Variants in LYRM4 observed in about 807,000 individuals in gnomAD.
LYRM4 encodes the protein LYR motif-containing protein 4.
LYRM4 carries 9 observed loss-of-function variants against 11.7 expected under a neutral mutation model. That is an observed-to-expected ratio of 0.77 (90% CI 0.46 to 1.34). LYRM4 has a LOEUF of 1.34. LYRM4 is among the 40% of genes most tolerant of loss of function. LYRM4 has a pLI of 0.00. For synonymous variants in LYRM4, 42 were observed against 40.4 expected, an observed-to-expected ratio of 1.04 and a Z score of -0.15; for missense variants, 133 against 112.5, an observed-to-expected ratio of 1.18 and a Z score of -0.82.
At chr6:5,138,074 C>T (rs1757190988) in intron 2 of LYRM4, among the ~76,000 whole-genome samples, 1 of 152,092 alleles carries the variant, frequency 6.6e-6, no homozygotes, top group Admixed American at 6.5e-5. Context: ...TGTCTTTCAG[C>T]AGGTCAAAAA....
At chr6:5,188,870 CCT>C (rs1452982410) in intron 2 of LYRM4, among the ~76,000 whole-genome samples, 2 of 152,146 alleles carry the variant, frequency 1.3e-5, no homozygotes, top group African/African-American at 2.4e-5. Context: ...CTCAAGGAAT[CCT>C]CTCACCTCAG....
the LYRM4 span, chr6:5,054,096 G>A: frequency 1.5e-3 from 1,449 of 984,268 alleles, 12 homozygotes; most frequent in African/African-American, 0.024. Context: ...AGGAACTAAC[G>A]CCAGATGCCT....
At chr6:5,218,205 C>T in intron 1 of LYRM4, 4 of 968,228 alleles carry the variant, frequency 4.1e-6, no homozygotes, top group Middle Eastern at 5.3e-4. Flanking sequence ...CAGTGCCTGG[C>T]TCTCTCGTCT....
intron 2 of LYRM4, among the ~76,000 whole-genome samples, chr6:5,129,326 T>C (rs1467509541): frequency 6.6e-6 from 1 of 152,232 alleles, no homozygotes; most frequent in Non-Finnish European, 1.5e-5. Context: ...CTTACAGTTA[T>C]GGAGGCCAGA....
At chr6:5,229,507 T>C (rs566431838) in intron 1 of LYRM4, among the ~76,000 whole-genome samples, 1 of 151,202 alleles carries the variant, frequency 6.6e-6, no homozygotes, top group Admixed American at 6.6e-5. Context: ...CAGGGCTCAG[T>C]GGGTGGTGCA....
chr6:5,085,791 G>GCAGCAA, the LYRM4 span: 1 of 1,530,174 alleles, frequency 6.5e-7, no homozygotes, highest in East Asian at 2.5e-5. Context: ...TGCAGCAGCA[G>GCAGCAA]CAGCAACAGG....
At chr6:5,195,046 A>G (rs1158113887) in intron 2 of LYRM4, among the ~76,000 whole-genome samples, 1 of 152,252 alleles carries the variant, frequency 6.6e-6, no homozygotes, top group Non-Finnish European at 1.5e-5. Context: ...CATTTATTTA[A>G]AAATTATGCA....
chr6:5,129,701 C>G (rs1313820397), intron 2 of LYRM4, among the ~76,000 whole-genome samples: 3 of 152,130 alleles, frequency 2.0e-5, no homozygotes, highest in African/African-American at 7.2e-5. Context: ...GATGTGGACG[C>G]CTTTGGGGGC....
At chr6:5,250,943 T>C (rs562286435) in intron 1 of LYRM4, among the ~76,000 whole-genome samples, 1 of 152,356 alleles carries the variant, frequency 6.6e-6, no homozygotes, top group South Asian at 2.1e-4. Flanking sequence ...ATTTCTGTAA[T>C]ACGATATATG....
chr6:5,130,282 T>C (rs1269034388), intron 2 of LYRM4, among the ~76,000 whole-genome samples: 2 of 151,868 alleles, frequency 1.3e-5, no homozygotes, highest in Non-Finnish European at 2.9e-5. Flanking sequence ...TTAGTGGGCC[T>C]GGAGGAGACG....
chr6:5,222,932 C>T (rs1244587095), intron 1 of LYRM4, among the ~76,000 whole-genome samples: 3 of 152,120 alleles, frequency 2.0e-5, no homozygotes, highest in East Asian at 1.9e-4. Context: ...CAGAATAGGG[C>T]AAAGGTGTAT....
At chr6:5,231,846 A>T (rs1376392667) in intron 1 of LYRM4, among the ~76,000 whole-genome samples, 2 of 152,234 alleles carry the variant, frequency 1.3e-5, no homozygotes, top group South Asian at 2.1e-4. Context: ...TTGTTACAGC[A>T]TCTTTCTTCC....
At position 5,114,503 on chromosome 6, in the gene LYRM4, T is replaced by G. The variant is rs569744324; in HGVS notation, c.208-5012A>C. 1.6e-4 allele frequency among the ~76,000 whole-genome samples: 24 copies of G among 152,342 alleles called. No homozygotes were observed. The South Asian group carries it at 4.8e-3, about 30-fold the overall frequency. The stretch of plus-strand genomic sequence containing the variant: ...GGCCGGTGCAGAGAAGGGGGTGATC[T>G]GTGCCCCGTGGCAAGTGGAAAAAAT... On this transcript the variant is annotated intron_variant, in intron 2 of 2. Transcript: ENST00000330636.
intron 2 of LYRM4, among the ~76,000 whole-genome samples, chr6:5,184,986 G>A (rs1002848114): frequency 1.3e-5 from 2 of 152,176 alleles, no homozygotes; most frequent in African/African-American, 4.8e-5. Flanking sequence ...TCTGCTTCTA[G>A]TCACTTATGC....
intron 2 of LYRM4, among the ~76,000 whole-genome samples, chr6:5,164,563 T>C (rs1010517723): frequency 1.3e-5 from 2 of 152,164 alleles, no homozygotes; most frequent in African/African-American, 4.8e-5. Context: ...AGGATAGTGC[T>C]GATTGGTGGT....
the LYRM4 span, among the ~76,000 whole-genome samples, chr6:5,059,331 G>T: frequency 8.3e-6 from 1 of 119,994 alleles, no homozygotes; most frequent in South Asian, 2.6e-4. Flanking sequence ...ACAGAGCAGC[G>T]CCCTGTCTCA....
rs550062635 is a variant in LYRM4, at chr6:5,121,885, C to T, written c.208-12394G>A. Reference sequence around the variant, plus strand: ...AGGTGATGCAAATGCTGAGGCTGATCCTTCCTGGGATGTGTGCTGGGGAAT... The same window carrying T: ...AGGTGATGCAAATGCTGAGGCTGATTCTTCCTGGGATGTGTGCTGGGGAAT... On this transcript the variant is annotated intron_variant, in intron 2 of 2. Coordinates refer to ENST00000330636, the MANE Select transcript of LYRM4 (RefSeq NM_020408.6). Among the ~76,000 whole-genome samples, 53 of 152,332 alleles carry T rather than the reference C, an allele frequency of 3.5e-4. No individual in the cohort carries two copies. The South Asian group carries it at 0.011, about 31-fold the overall frequency.
chr6:5,142,085 T>C (rs1053286962), intron 2 of LYRM4, among the ~76,000 whole-genome samples: 5 of 152,122 alleles, frequency 3.3e-5, no homozygotes, highest in Non-Finnish European at 7.4e-5. Flanking sequence ...TTCCAATGAT[T>C]GTATTACAAT....
the LYRM4 span, among the ~76,000 whole-genome samples, chr6:5,061,777 C>T: frequency 5.0e-3 from 759 of 152,292 alleles, 6 homozygotes; most frequent in African/African-American, 0.017. Context: ...TCACAAAAAT[C>T]AGTTCACACA....
Sources: gnomAD v4.1 joint callset for allele counts (sites outside exome capture counted in the v4.1 genomes callset) on GRCh38, gnomAD v4.1.1 for gene constraint, MANE v1.5 for transcripts, NCBI Gene and HGNC (gene_info 2026-07-23, HGNC 2026-07-21) for gene names.